Variants in PCDHA2 observed in about 807,000 individuals in gnomAD.
PCDHA2 encodes the protein protocadherin alpha-2.
In PCDHA2, 58 loss-of-function variants were observed where a neutral mutation model predicts 66.0. That is an observed-to-expected ratio of 0.88 (90% CI 0.71 to 1.09). PCDHA2 has a LOEUF of 1.09. PCDHA2 is among the 50% of genes least tolerant of loss of function. The pLI, the probability that PCDHA2 is intolerant of heterozygous loss-of-function variation, is 0.00. For missense variants in PCDHA2, 1,267 were observed against 1,242.3 expected (o/e 1.02, Z -0.30); for synonymous variants, 634 against 554.0 (o/e 1.14, Z -2.03).
intron 1 of PCDHA2, among the ~76,000 whole-genome samples, chr5:140,873,125 A>G (rs1252639627): frequency 6.6e-6 from 1 of 152,208 alleles, no homozygotes. Context: ...CAATATTCAA[A>G]GAGTCTATGC....
intron 1 of PCDHA2, among the ~76,000 whole-genome samples, chr5:140,903,075 C>T (rs2069986128): frequency 6.6e-6 from 1 of 152,114 alleles, no homozygotes; most frequent in Non-Finnish European, 1.5e-5. Flanking sequence ...TGGGTAGATA[C>T]CTGATAGTGG....
At chr5:140,976,241 T>C (rs1170027788) in intron 1 of PCDHA2, among the ~76,000 whole-genome samples, 3 of 152,144 alleles carry the variant, frequency 2.0e-5, no homozygotes, top group African/African-American at 4.8e-5. Context: ...TGTCATTTCA[T>C]GTAAATTTAT....
At chr5:140,875,094 T>C (rs1554167483) in intron 1 of PCDHA2, among the ~76,000 whole-genome samples, 1 of 152,258 alleles carries the variant, frequency 6.6e-6, no homozygotes. Flanking sequence ...AAATTGTTGA[T>C]GTTTTGTTAC....
At chr5:140,927,095 TG>T in intron 1 of PCDHA2, 1 of 1,612,210 alleles carries the variant, frequency 6.2e-7, no homozygotes, top group Non-Finnish European at 8.5e-7. Flanking sequence ...TACTTCGGGG[TG>T]GATCTACCCA....
chr5:140,932,187 T>C (rs2153611225), intron 1 of PCDHA2, among the ~76,000 whole-genome samples: 1 of 152,028 alleles, frequency 6.6e-6, no homozygotes, highest in Admixed American at 6.5e-5. Context: ...CTCATGTCCA[T>C]TTTTTTCTGT....
chr5:140,829,978 C>A (rs2150179032), intron 1 of PCDHA2: 17 of 1,613,848 alleles, frequency 1.1e-5, no homozygotes, highest in African/African-American at 4.0e-5. Flanking sequence ...TGTACACGGG[C>A]GAGATCAGCA....
intron 1 of PCDHA2, chr5:140,841,882 T>C (rs2150324666): frequency 1.2e-6 from 2 of 1,613,800 alleles, no homozygotes; most frequent in East Asian, 4.5e-5. Context: ...CAAAGAACGA[T>C]GAGAATAAAC....
At chr5:140,941,950 A>C (rs2093203816) in intron 1 of PCDHA2, among the ~76,000 whole-genome samples, 1 of 152,172 alleles carries the variant, frequency 6.6e-6, no homozygotes, top group Admixed American at 6.5e-5. Context: ...TTTGTTTTGA[A>C]AACAATAGTA....
At position 140,900,569 on chromosome 5, in the gene PCDHA2, A is replaced by AC. The variant is rs201845192; in HGVS notation, c.2389-78378dup. 8.0e-3 allele frequency among the ~76,000 whole-genome samples: 1,218 copies of AC among 152,298 alleles called. 6 individuals carry two copies. Among genetic ancestry groups the AC allele is most frequent in the African/African-American group, 0.019 (786 of 41,566 alleles). On this transcript the variant is annotated intron_variant, in intron 1 of 3. Coordinates refer to ENST00000526136, the MANE Select transcript of PCDHA2 (RefSeq NM_018905.3). The stretch of plus-strand genomic sequence containing the variant: ...TGGGATTACAGGCGTGAGCCACGGC[A>AC]CCGGCCCATTTTCTTTACCCGTTCA...
intron 1 of PCDHA2, chr5:140,930,381 A>G (rs569032116): frequency 2.0e-5 from 3 of 152,008 alleles, no homozygotes; most frequent in East Asian, 3.9e-4. Flanking sequence ...GGCCCTTGGC[A>G]TTTCAAAACT....
chr5:140,857,243 A>G (rs2044443964), intron 1 of PCDHA2: 1 of 1,598,366 alleles, frequency 6.3e-7, no homozygotes, highest in African/African-American at 1.3e-5. Flanking sequence ...GCTGGTGTCC[A>G]CCTACAAGAA....
intron 1 of PCDHA2, among the ~76,000 whole-genome samples, chr5:140,954,400 A>G (rs1349668578): frequency 6.6e-6 from 1 of 152,214 alleles, no homozygotes; most frequent in East Asian, 1.9e-4. Context: ...CAACCCCACC[A>G]ACAGGGTAAA....
intron 1 of PCDHA2, chr5:140,835,704 G>A (rs2150242538): frequency 3.1e-6 from 5 of 1,613,772 alleles, no homozygotes; most frequent in Admixed American, 3.3e-5. Context: ...CACTGCTAGC[G>A]TGTCCGTGGA....
rs114173550 is a variant in PCDHA2, at chr5:140,996,928, G to T, written c.2537-12699G>T. Among the ~76,000 whole-genome samples the T allele has an allele frequency of 1.8e-3, 279 of 152,148 alleles. 1 individual carries two copies. Among genetic ancestry groups the T allele is most frequent in the Non-Finnish European group, 3.0e-3 (203 of 67,996 alleles). ...GTTGAAGTAAATATTAAAAAATATA[G>T]CATTTTTGCATAGAAATATTTATTT... On this transcript the variant is annotated intron_variant, in intron 3 of 3. Coordinates refer to ENST00000526136, the MANE Select transcript of PCDHA2 (RefSeq NM_018905.3).
chr5:140,876,850 T>A, intron 1 of PCDHA2: 1 of 1,614,012 alleles, frequency 6.2e-7, no homozygotes, highest in Non-Finnish European at 8.5e-7. Flanking sequence ...GCAGCCCGAG[T>A]ACACAGTGTT....
At chr5:140,884,129 C>T (rs1554181252) in intron 1 of PCDHA2, 1 of 1,613,420 alleles carries the variant, frequency 6.2e-7, no homozygotes, top group Non-Finnish European at 8.5e-7. Context: ...CGCGCGCATC[C>T]CGTTCCGCGT....
intron 1 of PCDHA2, chr5:140,928,452 G>C: frequency 6.2e-7 from 1 of 1,614,126 alleles, no homozygotes; most frequent in Non-Finnish European, 8.5e-7. Context: ...AGCTCAGGGG[G>C]TTTCATTTCC....
chr5:140,858,054 T>G, intron 1 of PCDHA2: 2 of 1,597,316 alleles, frequency 1.3e-6, no homozygotes, highest in South Asian at 2.2e-5. Flanking sequence ...GTGTCGCTTG[T>G]GGAGGGCAGC....
chr5:140,802,286 T>TCC, intron 1 of PCDHA2: 1 of 1,614,250 alleles, frequency 6.2e-7, no homozygotes, highest in Middle Eastern at 1.6e-4. Flanking sequence ...TAGAAGACTC[T>TCC]CCACTTAGCA....
Sources: allele counts gnomAD v4.1 joint callset (sites outside exome capture counted in the v4.1 genomes callset), GRCh38; gene constraint gnomAD v4.1.1; transcripts MANE v1.5; gene names NCBI Gene and HGNC (gene_info 2026-07-23, HGNC 2026-07-21).